SLIT3: variants seen among roughly 807,000 people sequenced by gnomAD.
The protein encoded by SLIT3 is slit homolog 3 protein.
In SLIT3, 68 loss-of-function variants were observed where a neutral mutation model predicts 184.0. The observed-to-expected ratio is 0.37, with a 90% CI of 0.30 to 0.45. The LOEUF (loss-of-function observed/expected upper bound fraction) is 0.45. Ranked by LOEUF, SLIT3 falls within the 20% of genes least tolerant of loss-of-function variation. SLIT3 has a pLI of 1.00. For synonymous variants in SLIT3, 831 were observed against 828.6 expected (o/e 1.00, Z -0.05); for missense variants, 1,707 against 2,026.0 (o/e 0.84, Z 3.02).
At chr5:168,932,258 GTT>G (rs373049439) in intron 4 of SLIT3, among the ~76,000 whole-genome samples, 3 of 103,552 alleles carry the variant, frequency 2.9e-5, no homozygotes, top group Non-Finnish European at 6.1e-5. Flanking sequence ...TTGTTGTTGT[GTT>G]TTTTTTTTTT....
chr5:168,703,728 C>T (rs562139236), intron 26 of SLIT3, among the ~76,000 whole-genome samples: 9 of 151,898 alleles, frequency 5.9e-5, no homozygotes, highest in African/African-American at 1.4e-4. Flanking sequence ...CCAGCGTGGG[C>T]GGATCACAAG....
At chr5:169,163,050 C>T (rs1004919036) in intron 4 of SLIT3, among the ~76,000 whole-genome samples, 12 of 151,940 alleles carry the variant, frequency 7.9e-5, no homozygotes, top group Admixed American at 6.6e-5. Context: ...GGGCTGGGCA[C>T]GGTGGCTCAC....
In SLIT3 at chr5:169,268,391, A is replaced by G. The variant is rs74379971; in HGVS notation, c.198-16932T>C. On this transcript the variant is annotated intron_variant, in intron 1 of 35. Coordinates refer to ENST00000519560, the MANE Select transcript of SLIT3 (RefSeq NM_003062.4). ...TCTGAATGTCATCTGATGGCACCAC[A>G]TAAGACTCCCAGTCATTTTCCTGCC... Among the ~76,000 whole-genome samples the G allele has an allele frequency of 3.3e-5, 5 of 152,314 alleles. No homozygotes were observed. In the East Asian group the frequency reaches 9.6e-4, roughly 29 times the overall value.
chr5:169,229,046 C>T (rs1203522914), intron 3 of SLIT3, among the ~76,000 whole-genome samples: 1 of 152,172 alleles, frequency 6.6e-6, no homozygotes, highest in African/African-American at 2.4e-5. Flanking sequence ...CAAACCTCCA[C>T]ATCTTGGAGA....
intron 4 of SLIT3, among the ~76,000 whole-genome samples, chr5:168,958,753 A>G (rs983562035): frequency 2.0e-5 from 3 of 152,250 alleles, no homozygotes; most frequent in African/African-American, 4.8e-5. Context: ...GGGCAATTCA[A>G]TGGTTTGTGT....
intron 4 of SLIT3, among the ~76,000 whole-genome samples, chr5:169,032,281 ATC>A (rs1383467649): frequency 6.6e-6 from 1 of 152,128 alleles, no homozygotes; most frequent in Non-Finnish European, 1.5e-5. Context: ...CATTTTTTTT[ATC>A]TCTGTGTCCT....
chr5:168,884,582 G>A (rs1414911075), intron 4 of SLIT3, among the ~76,000 whole-genome samples: 198 of 16,398 alleles, frequency 0.012, no homozygotes, highest in Middle Eastern at 0.053. Context: ...ATATATATAT[G>A]AAATTCCACC....
At chr5:168,779,950 C>T (rs1028086578) in intron 12 of SLIT3, among the ~76,000 whole-genome samples, 3 of 152,222 alleles carry the variant, frequency 2.0e-5, no homozygotes, top group African/African-American at 7.2e-5. Flanking sequence ...ATCGCTGAGC[C>T]CCACTGTTAG....
intron 4 of SLIT3, among the ~76,000 whole-genome samples, chr5:169,058,765 G>A (rs1758089027): frequency 6.6e-6 from 1 of 152,200 alleles, no homozygotes; most frequent in Non-Finnish European, 1.5e-5. Flanking sequence ...ACCTTGGTAA[G>A]TAAGTCCTCT....
chr5:168,915,769 T>C (rs1000465356), intron 4 of SLIT3, among the ~76,000 whole-genome samples: 1 of 152,156 alleles, frequency 6.6e-6, no homozygotes, highest in Non-Finnish European at 1.5e-5. Flanking sequence ...GGCTGCTGTA[T>C]GGAACCGCAT....
intron 4 of SLIT3, among the ~76,000 whole-genome samples, chr5:169,179,193 G>C (rs1763071558): frequency 6.6e-6 from 1 of 151,548 alleles, no homozygotes; most frequent in Non-Finnish European, 1.5e-5. Context: ...AACAACCTCT[G>C]GTTTAGATCT....
chr5:168,932,860 G>A (rs1436796206), intron 4 of SLIT3, among the ~76,000 whole-genome samples: 1 of 152,184 alleles, frequency 6.6e-6, no homozygotes, highest in South Asian at 2.1e-4. Flanking sequence ...GCTGAACATC[G>A]CACAACATGC....
intron 9 of SLIT3, 57 bp downstream of exon 9, chr5:168,806,389 A>G: frequency 6.2e-7 from 1 of 1,600,540 alleles, no homozygotes; most frequent in Non-Finnish European, 8.6e-7. Flanking sequence ...ATGGGCTGGG[A>G]CAGGGAGCTG....
intron 20 of SLIT3, among the ~76,000 whole-genome samples, chr5:168,734,297 G>C (rs1389060555): frequency 6.6e-6 from 1 of 152,186 alleles, no homozygotes; most frequent in Non-Finnish European, 1.5e-5. Context: ...GTTGAGACAG[G>C]AAATTAACTG....
intron 4 of SLIT3, among the ~76,000 whole-genome samples, chr5:169,079,961 AGAG>A (rs958922298): frequency 2.7e-5 from 4 of 149,464 alleles, no homozygotes; most frequent in East Asian, 4.1e-4. Context: ...AGAAGGAAGA[AGAG>A]GAGGAGATTA....
At chr5:168,841,418 A>C (rs1235269759) in intron 6 of SLIT3, among the ~76,000 whole-genome samples, 1 of 152,148 alleles carries the variant, frequency 6.6e-6, no homozygotes. Context: ...GCATGGAAGG[A>C]ATGAGAAGTT....
intron 4 of SLIT3, among the ~76,000 whole-genome samples, chr5:169,085,788 A>G (rs919780470): frequency 2.0e-5 from 3 of 152,194 alleles, no homozygotes; most frequent in Middle Eastern, 3.2e-3. Flanking sequence ...TGAGTTCGTG[A>G]AAATTCCTTC....
At chr5:168,708,124 G>A (rs1240558302) in intron 25 of SLIT3, 24 bp from the exon 26 acceptor site, 4 of 1,614,154 alleles carry the variant, frequency 2.5e-6, no homozygotes, top group East Asian at 2.2e-5. Flanking sequence ...CCAGAGTACT[G>A]ATGGCAGGTC....
chr5:168,806,175 T>C (rs1203341947), intron 9 of SLIT3, among the ~76,000 whole-genome samples: 1 of 152,162 alleles, frequency 6.6e-6, no homozygotes, highest in African/African-American at 2.4e-5. Context: ...TATAAATGGA[T>C]GTGGAGGTAT....
Sources: allele counts gnomAD v4.1 joint callset (sites outside exome capture counted in the v4.1 genomes callset), GRCh38; gene constraint gnomAD v4.1.1; transcripts MANE v1.5; gene names NCBI Gene and HGNC (gene_info 2026-07-23, HGNC 2026-07-21).